KAZN: variants seen among roughly 807,000 people sequenced by gnomAD.
KAZN encodes the protein kazrin, periplakin interacting protein.
KAZN carries 40 observed loss-of-function variants against 87.4 expected under a neutral mutation model. The observed-to-expected ratio is 0.46, with a 90% confidence interval of 0.36 to 0.60. The LOEUF (loss-of-function observed/expected upper bound fraction) is 0.60. Among genes scored for constraint, KAZN ranks in the 20% least tolerant of loss-of-function variants. KAZN has a pLI of 0.00. For missense variants in KAZN, 898 were observed against 1,073.9 expected (o/e 0.84, Z 2.29); for synonymous variants, 466 against 458.3 (o/e 1.02, Z -0.22).
chr1:14,518,147 C>G (rs1671392856), intron 2 of KAZN, among the ~76,000 whole-genome samples: 1 of 150,034 alleles, frequency 6.7e-6, no homozygotes, highest in Non-Finnish European at 1.5e-5. Context: ...TATCAGAGAG[C>G]CATGCTTGGT....
At chr1:15,078,123 A>G (rs1236557153) in intron 8 of KAZN, among the ~76,000 whole-genome samples, 1 of 152,188 alleles carries the variant, frequency 6.6e-6, no homozygotes, top group Admixed American at 6.5e-5. Context: ...AAGAGACAAA[A>G]TAAGTGATGT....
chr1:14,889,827 A>ATT lies in KAZN; in HGVS notation c.227-70855_227-70854dup, dbSNP rs749289786. ...TACTGGATCACAGCCTTGCCCATGT[A>ATT]TTTATGAGCAGTTGGGACAGAGACC... On this transcript the variant is annotated intron_variant, in intron 1 of 14. Coordinates refer to ENST00000376030, the MANE Select transcript of KAZN (RefSeq NM_201628.3). Among the ~76,000 whole-genome samples, 52 of 152,362 alleles carry ATT rather than the reference A, an allele frequency of 3.4e-4. 1 individual carries two copies. The highest frequency in any genetic ancestry group is 6.8e-3 in the Middle Eastern group (2 of 294).
intron 1 of KAZN, among the ~76,000 whole-genome samples, chr1:14,667,002 CTCT>C (rs1279714598): frequency 6.6e-6 from 1 of 152,172 alleles, no homozygotes; most frequent in Non-Finnish European, 1.5e-5. Context: ...CCAACCTGTC[CTCT>C]TCTTATAAGA....
upstream of KAZN, chr1:14,598,623 C>T (rs1313993608): frequency 3.6e-6 from 4 of 1,101,832 alleles, no homozygotes; most frequent in African/African-American, 1.7e-5. The surrounding 1 kb of genome is among the most constrained non-coding windows in gnomAD (Gnocchi z 4.2). Context: ...ACCGAGACCC[C>T]CTCCCGAGCC....
At chr1:14,304,792 C>T (rs577958653) in intron 2 of KAZN, 66 of 394,868 alleles carry the variant, frequency 1.7e-4, no homozygotes, top group African/African-American at 1.2e-3. Context: ...TTGCATTTTC[C>T]GTTCATTCTT....
At chr1:14,871,297 A>G (rs987941084) in intron 1 of KAZN, among the ~76,000 whole-genome samples, 4 of 151,784 alleles carry the variant, frequency 2.6e-5, no homozygotes, top group African/African-American at 7.3e-5. Flanking sequence ...CTCTTCCCCA[A>G]TTCCTTCCAT....
chr1:14,686,874 A>T (rs1640985329), intron 1 of KAZN, among the ~76,000 whole-genome samples: 2 of 152,246 alleles, frequency 1.3e-5, no homozygotes, highest in Non-Finnish European at 1.5e-5. Context: ...GTTCAGAAAG[A>T]GGGAAAAGCC....
intron 1 of KAZN, among the ~76,000 whole-genome samples, chr1:14,925,558 G>T (rs895287025): frequency 6.6e-6 from 1 of 152,176 alleles, no homozygotes; most frequent in African/African-American, 2.4e-5. Context: ...TAAGCGACTT[G>T]CCCAAGTTCC....
chr1:14,016,350 T>C (rs1640571284), intron 1 of KAZN, among the ~76,000 whole-genome samples: 1 of 152,230 alleles, frequency 6.6e-6, no homozygotes. Flanking sequence ...TACAGGACTC[T>C]ATGGCTTACA....
intron 1 of KAZN, among the ~76,000 whole-genome samples, chr1:14,790,274 AG>A (rs1258577342): frequency 4.6e-5 from 7 of 151,838 alleles, no homozygotes; most frequent in Non-Finnish European, 1.0e-4. Flanking sequence ...GGCCTCCCAA[AG>A]TGCTGGGATT....
rs1326103210 is a variant in KAZN, at chr1:14,876,443, A to G, written c.227-84241A>G. ...GCAAAGAACAGATGCTTGGGAGGAC[A>G]CACCTTGAAATTGCAGGTAGGAACC... On this transcript the variant is annotated intron_variant, in intron 1 of 14. Coordinates refer to ENST00000376030, the MANE Select transcript of KAZN (RefSeq NM_201628.3). Among the ~76,000 whole-genome samples the G allele has an allele frequency of 2.0e-5, 3 of 152,314 alleles. No individual in the cohort carries two copies. The East Asian group carries it at 5.8e-4, about 29-fold the overall frequency.
intron 1 of KAZN, among the ~76,000 whole-genome samples, chr1:14,092,659 A>G (rs899636859): frequency 6.6e-6 from 1 of 151,182 alleles, no homozygotes; most frequent in South Asian, 2.1e-4. Flanking sequence ...ACTGGTACCC[A>G]TGTGGCTTAT....
intron 1 of KAZN, among the ~76,000 whole-genome samples, chr1:13,998,227 C>G (rs1275940836): frequency 6.6e-6 from 1 of 152,050 alleles, no homozygotes; most frequent in Non-Finnish European, 1.5e-5. Flanking sequence ...GAAGGAAGCT[C>G]TAAACATGGA....
At chr1:14,992,704 C>A (rs1479087066) in intron 2 of KAZN, among the ~76,000 whole-genome samples, 1 of 152,056 alleles carries the variant, frequency 6.6e-6, no homozygotes, top group African/African-American at 2.4e-5. Context: ...AGTGCAGCAG[C>A]GCAATCTCGT....
chr1:15,080,915 C>T (rs370847961), intron 8 of KAZN, among the ~76,000 whole-genome samples: 70 of 152,234 alleles, frequency 4.6e-4, no homozygotes, highest in African/African-American at 1.6e-3. Context: ...GCCAGGGATG[C>T]TGCTACATGT....
At chr1:14,835,716 C>T (rs1335073877) in intron 1 of KAZN, among the ~76,000 whole-genome samples, 1 of 152,058 alleles carries the variant, frequency 6.6e-6, no homozygotes, top group African/African-American at 2.4e-5. Flanking sequence ...CTTCCAGGGC[C>T]CCTTTTGTCC....
chr1:14,260,475 T>G (rs980645833), intron 2 of KAZN, among the ~76,000 whole-genome samples: 2 of 152,066 alleles, frequency 1.3e-5, no homozygotes, highest in African/African-American at 4.8e-5. Flanking sequence ...CCCGCATGGC[T>G]GGAGCAGGGT....
intron 2 of KAZN, among the ~76,000 whole-genome samples, chr1:14,405,628 G>GTGTGTA (rs1400708028): frequency 6.6e-6 from 1 of 151,616 alleles, no homozygotes; most frequent in Non-Finnish European, 1.5e-5. Flanking sequence ...GTGTGTGTGT[G>GTGTGTA]TGTGTGTGTG....
intron 1 of KAZN, among the ~76,000 whole-genome samples, chr1:14,788,105 G>A (rs1295679874): frequency 3.3e-5 from 5 of 152,178 alleles, no homozygotes; most frequent in African/African-American, 4.8e-5. Context: ...CAACAGCAGA[G>A]CATTAAAGCA....
Sources: allele counts gnomAD v4.1 joint callset (sites outside exome capture counted in the v4.1 genomes callset), GRCh38; gene constraint gnomAD v4.1.1; non-coding constraint Gnocchi (gnomAD v3.1); transcripts MANE v1.5; gene names NCBI Gene and HGNC (gene_info 2026-07-23, HGNC 2026-07-21).